CADM1: variants seen among roughly 807,000 people sequenced by gnomAD.
CADM1 encodes the protein TSLC-1.
In CADM1, 15 loss-of-function variants were observed where a neutral mutation model predicts 53.1. The observed-to-expected ratio is 0.28, with a 90% CI of 0.19 to 0.44. The LOEUF (loss-of-function observed/expected upper bound fraction) is 0.44, where lower values mean the gene tolerates loss of function less well. Among genes scored for constraint, CADM1 ranks in the 20% least tolerant of loss-of-function variants. The pLI is 1.00. For missense variants in CADM1, 434 were observed against 611.3 expected, an observed-to-expected ratio of 0.71 and a Z score of 3.06; for synonymous variants, 281 against 243.0, an observed-to-expected ratio of 1.16 and a Z score of -1.45.
intron 7 of CADM1, among the ~76,000 whole-genome samples, chr11:115,211,475 C>CT (rs1224649182): frequency 0.94 from 86,971 of 92,320 alleles, 41,173 homozygotes; most frequent in East Asian, 0.97. Flanking sequence ...AATCCTATTT[C>CT]TTTTTTTTTT....
chr11:115,380,560 A>G (rs964520878), intron 1 of CADM1, among the ~76,000 whole-genome samples: 1 of 152,198 alleles, frequency 6.6e-6, no homozygotes, highest in Non-Finnish European at 1.5e-5. Context: ...AACTTTTTCT[A>G]TTCTCTACCA....
At chr11:115,461,577 A>T (rs1948795800) in intron 1 of CADM1, among the ~76,000 whole-genome samples, 1 of 152,234 alleles carries the variant, frequency 6.6e-6, no homozygotes, top group Non-Finnish European at 1.5e-5. Flanking sequence ...CATGAAAAGA[A>T]GATGAAGATG....
At chr11:115,276,625 A>G (rs1274763777) in intron 1 of CADM1, among the ~76,000 whole-genome samples, 1 of 152,224 alleles carries the variant, frequency 6.6e-6, no homozygotes, top group Non-Finnish European at 1.5e-5. Flanking sequence ...TTCTCATTAC[A>G]TCATAAAACT....
chr11:115,294,670 A>G (rs1032634815), intron 1 of CADM1, among the ~76,000 whole-genome samples: 3 of 152,162 alleles, frequency 2.0e-5, no homozygotes, highest in Non-Finnish European at 4.4e-5. Context: ...TGATTATAAA[A>G]TTTTCAAAAA....
At chr11:115,217,119 A>T (rs1347602615) in intron 6 of CADM1, among the ~76,000 whole-genome samples, 1 of 152,150 alleles carries the variant, frequency 6.6e-6, no homozygotes, top group Non-Finnish European at 1.5e-5. Flanking sequence ...AGTTAAAAAC[A>T]ATCTTTACTA....
rs569584688 is a variant in CADM1 at position 115,191,716 on chromosome 11, C to T, written c.1112-775G>A. Among the ~76,000 whole-genome samples the T allele has an allele frequency of 5.4e-5, 8 of 148,370 alleles. No homozygotes were observed. In the South Asian group the frequency reaches 1.7e-3, roughly 31 times the overall value. On this transcript the variant is annotated intron_variant, in intron 9 of 11. Coordinates refer to ENST00000331581, the MANE Select transcript of CADM1 (RefSeq NM_001301043.2). ...GGAGGCTCAGATAGGAGATGGTTTC[C>T]ATTTCCTTTTGCTTTATTTGTGAGC...
At chr11:115,401,018 T>A (rs1221770596) in intron 1 of CADM1, among the ~76,000 whole-genome samples, 1 of 152,056 alleles carries the variant, frequency 6.6e-6, no homozygotes, top group Non-Finnish European at 1.5e-5. Context: ...GTTGAAAACT[T>A]ATGTCCACAC....
At chr11:115,473,249 A>C (rs1949055619) in intron 1 of CADM1, among the ~76,000 whole-genome samples, 4 of 152,206 alleles carry the variant, frequency 2.6e-5, no homozygotes. Context: ...GCTTGAGGGC[A>C]GGAGTTTGAC....
intron 1 of CADM1, among the ~76,000 whole-genome samples, chr11:115,253,282 A>G (rs1001807846): frequency 3.3e-5 from 5 of 152,192 alleles, no homozygotes; most frequent in African/African-American, 9.7e-5. Context: ...GCTGGCTGTC[A>G]CATCTCACAG....
intron 1 of CADM1, among the ~76,000 whole-genome samples, chr11:115,263,965 A>C (rs1943052183): frequency 6.6e-6 from 1 of 152,218 alleles, no homozygotes; most frequent in African/African-American, 2.4e-5. Context: ...CCAGTGTGAC[A>C]GTTTACATTC....
chr11:115,342,609 A>G (rs1338766797), intron 1 of CADM1, among the ~76,000 whole-genome samples: 1 of 152,158 alleles, frequency 6.6e-6, no homozygotes, highest in African/African-American at 2.4e-5. Flanking sequence ...TCAAAACACT[A>G]TGCATCATAG....
chr11:115,271,185 C>T (rs1023961264), intron 1 of CADM1, among the ~76,000 whole-genome samples: 2 of 152,046 alleles, frequency 1.3e-5, no homozygotes, highest in African/African-American at 4.8e-5. Context: ...AATGGATGCC[C>T]TCTCAGGAAG....
intron 1 of CADM1, among the ~76,000 whole-genome samples, chr11:115,281,545 C>T (rs1201065098): frequency 2.0e-5 from 3 of 152,102 alleles, no homozygotes; most frequent in Admixed American, 6.5e-5. Flanking sequence ...TTTTAAAAAT[C>T]GTGTGATCCA....
chr11:115,380,713 T>C (rs115309817), intron 1 of CADM1, among the ~76,000 whole-genome samples: 369 of 152,228 alleles, frequency 2.4e-3, no homozygotes, highest in African/African-American at 8.4e-3. Flanking sequence ...GAGAACACCA[T>C]AATTAGAGGT....
intron 1 of CADM1, among the ~76,000 whole-genome samples, chr11:115,416,465 C>A (rs1051068159): frequency 6.6e-6 from 1 of 152,068 alleles, no homozygotes; most frequent in African/African-American, 2.4e-5. Context: ...ATCTAGTATT[C>A]TTGTAGACTC....
At chr11:115,470,297 C>T (rs1333633450) in intron 1 of CADM1, among the ~76,000 whole-genome samples, 2 of 152,108 alleles carry the variant, frequency 1.3e-5, no homozygotes, top group African/African-American at 2.4e-5. Context: ...AAATAAAGAA[C>T]CAAGTAGCAG....
intron 1 of CADM1, among the ~76,000 whole-genome samples, chr11:115,498,653 A>G (rs1304272443): frequency 3.9e-5 from 6 of 152,236 alleles, no homozygotes; most frequent in Non-Finnish European, 4.4e-5. Flanking sequence ...CAGTAGAAGC[A>G]ATAATCGTGC....
At chr11:115,183,005 G>A (rs1053428051) in intron 10 of CADM1, among the ~76,000 whole-genome samples, 6 of 152,120 alleles carry the variant, frequency 3.9e-5, no homozygotes, top group African/African-American at 1.2e-4. Flanking sequence ...AGAAATTGCG[G>A]GACAGAGAAA....
At chr11:115,395,109 G>A (rs1035641629) in intron 1 of CADM1, among the ~76,000 whole-genome samples, 28 of 152,134 alleles carry the variant, frequency 1.8e-4, no homozygotes, top group African/African-American at 6.8e-4. Flanking sequence ...AAACTTGTCT[G>A]TATATTAGAA....
Sources: allele counts gnomAD v4.1 joint callset (sites outside exome capture counted in the v4.1 genomes callset), GRCh38; gene constraint gnomAD v4.1.1; transcripts MANE v1.5; gene names NCBI Gene and HGNC (gene_info 2026-07-23, HGNC 2026-07-21).